Variants in CNTLN observed in about 807,000 individuals in gnomAD.
The protein encoded by CNTLN is centlein, centrosomal protein.
In CNTLN, 212 loss-of-function variants were observed where a neutral mutation model predicts 180.0. That is an observed-to-expected ratio of 1.18 (90% CI 1.05 to 1.32). The LOEUF (loss-of-function observed/expected upper bound fraction) is 1.32. Ranked by LOEUF, CNTLN falls within the 40% of genes most tolerant of loss-of-function variation. The probability of loss-of-function intolerance (pLI) is 0.00; values close to 1 mark genes in which losing one functional copy is unlikely to be tolerated. For missense variants in CNTLN, 2,095 were observed against 1,610.9 expected (o/e 1.30, Z -5.14); for synonymous variants, 722 against 563.1 (o/e 1.28, Z -3.99).
At chr9:17,299,754 T>C (rs1303470896) in intron 7 of CNTLN, 3 of 981,672 alleles carry the variant, frequency 3.1e-6, no homozygotes, top group Non-Finnish European at 3.6e-6. Flanking sequence ...TTAATACTTG[T>C]TAATTGTTAT....
chr9:17,322,516 A>G (rs1181019192), intron 8 of CNTLN, among the ~76,000 whole-genome samples: 1 of 152,210 alleles, frequency 6.6e-6, no homozygotes, highest in East Asian at 1.9e-4. Flanking sequence ...ATTAAAATCT[A>G]GAAATTTAGC....
At chr9:17,488,018 A>C (rs1484564679) in intron 25 of CNTLN, among the ~76,000 whole-genome samples, 4 of 152,160 alleles carry the variant, frequency 2.6e-5, no homozygotes, top group Admixed American at 2.6e-4. Context: ...AAAATACCCC[A>C]AAAATTGTCC....
intron 1 of CNTLN, among the ~76,000 whole-genome samples, chr9:17,142,884 G>T (rs915434305): frequency 2.6e-5 from 4 of 152,138 alleles, no homozygotes; most frequent in African/African-American, 9.7e-5. Flanking sequence ...TAGCATAATG[G>T]TGGTTAGGAA....
At position 17,204,683 on chromosome 9, in the gene CNTLN, C is replaced by T. The variant is rs148768529; in HGVS notation, c.450-21520C>T. On this transcript the variant is annotated intron_variant, in intron 2 of 25. Coordinates refer to ENST00000380647, the MANE Select transcript of CNTLN (RefSeq NM_017738.4). The stretch of plus-strand genomic sequence containing the variant: ...CATTTGAGAAGGCAGTCTTTCCCTT[C>T]TCTGAACTAGTGCACTTTGCTGGGA... 1.4e-3 allele frequency among the ~76,000 whole-genome samples: 216 copies of T among 152,300 alleles called. 3 individuals are homozygous for T. Among genetic ancestry groups the T allele is most frequent in the African/African-American group, 4.8e-3 (201 of 41,570 alleles).
chr9:17,338,530 C>T (rs560523770), intron 10 of CNTLN, among the ~76,000 whole-genome samples: 1 of 151,592 alleles, frequency 6.6e-6, no homozygotes, highest in East Asian at 1.9e-4. Context: ...GCTGAAATCA[C>T]TAATATTGTT....
At chr9:17,363,585 A>G (rs901984195) in intron 12 of CNTLN, among the ~76,000 whole-genome samples, 39 of 151,658 alleles carry the variant, frequency 2.6e-4, no homozygotes, top group African/African-American at 8.7e-4. Flanking sequence ...TTGAAATTAT[A>G]ACATACATCA....
intron 2 of CNTLN, among the ~76,000 whole-genome samples, chr9:17,183,060 C>T (rs1273171058): frequency 6.6e-6 from 1 of 152,116 alleles, no homozygotes; most frequent in Non-Finnish European, 1.5e-5. Flanking sequence ...TCTGTATTTA[C>T]TAATGATTCT....
rs572495502 is a variant in CNTLN at position 17,422,106 on chromosome 9, T to G, written c.3114+5917T>G. ...GTTGGCAAAATTCTCAGCTTTTGTT[T>G]GTGTGGGAAAGTCTTTATTTCATAT... On this transcript the variant is annotated intron_variant, in intron 18 of 25. Transcript: ENST00000380647. 3.3e-5 allele frequency among the ~76,000 whole-genome samples: 5 copies of G among 152,210 alleles called. No homozygotes were observed. The South Asian group carries it at 1.0e-3, about 31-fold the overall frequency.
At chr9:17,249,650 A>G (rs1826022617) in intron 5 of CNTLN, among the ~76,000 whole-genome samples, 1 of 151,780 alleles carries the variant, frequency 6.6e-6, no homozygotes, top group Non-Finnish European at 1.5e-5. Flanking sequence ...CATCCAGCTG[A>G]GTGTGTTTTT....
chr9:17,507,307 C>T (rs1023719359), downstream of CNTLN, among the ~76,000 whole-genome samples: 18 of 152,160 alleles, frequency 1.2e-4, no homozygotes, highest in African/African-American at 4.3e-4. Context: ...TCCACTGTTG[C>T]ACAGGCTATG....
At chr9:17,405,520 G>A (rs939477782) in intron 15 of CNTLN, among the ~76,000 whole-genome samples, 1 of 151,664 alleles carries the variant, frequency 6.6e-6, no homozygotes, top group Non-Finnish European at 1.5e-5. Flanking sequence ...TAACAAGCCT[G>A]TTCTTATAAC....
chr9:17,265,217 C>G (rs1238289632), intron 5 of CNTLN, among the ~76,000 whole-genome samples: 1 of 151,072 alleles, frequency 6.6e-6, no homozygotes, highest in Non-Finnish European at 1.5e-5. Flanking sequence ...TACGTCCCAT[C>G]AATACCTAAT....
intron 2 of CNTLN, among the ~76,000 whole-genome samples, chr9:17,149,805 C>G (rs1376230779): frequency 6.6e-6 from 1 of 152,190 alleles, no homozygotes; most frequent in Non-Finnish European, 1.5e-5. Flanking sequence ...GCATGAGCCA[C>G]TGCACCTGGC....
At chr9:17,446,766 A>G (rs1830449765) in intron 18 of CNTLN, among the ~76,000 whole-genome samples, 1 of 152,176 alleles carries the variant, frequency 6.6e-6, no homozygotes, top group African/African-American at 2.4e-5. Flanking sequence ...CTAGTCCACA[A>G]AGGCCTTTTA....
intron 1 of CNTLN, among the ~76,000 whole-genome samples, chr9:17,139,472 C>G (rs571304250): frequency 6.6e-5 from 10 of 151,924 alleles, no homozygotes; most frequent in African/African-American, 2.2e-4. Context: ...ACCAGCCTGG[C>G]CAACATGGCG....
downstream of CNTLN, among the ~76,000 whole-genome samples, chr9:17,508,335 T>C (rs1833969633): frequency 6.6e-6 from 1 of 152,232 alleles, no homozygotes; most frequent in African/African-American, 2.4e-5. Context: ...ATTCCCTGAA[T>C]GGTAACATCT....
At chr9:17,192,902 A>C (rs1261685182) in intron 2 of CNTLN, among the ~76,000 whole-genome samples, 2 of 152,196 alleles carry the variant, frequency 1.3e-5, no homozygotes, top group African/African-American at 4.8e-5. Flanking sequence ...AAGAAAAAGC[A>C]GTTCAGTTGG....
chr9:17,343,580 T>C (rs754671639), intron 12 of CNTLN, among the ~76,000 whole-genome samples: 2 of 152,198 alleles, frequency 1.3e-5, no homozygotes, highest in African/African-American at 4.8e-5. Flanking sequence ...AAATATTTGA[T>C]GCTATAATGA....
chr9:17,304,975 T>C (rs1449079464), intron 7 of CNTLN, among the ~76,000 whole-genome samples: 2 of 152,188 alleles, frequency 1.3e-5, no homozygotes, highest in African/African-American at 4.8e-5. Context: ...GTAGTATATT[T>C]ACTAGATTTG....
Sources: gnomAD v4.1 joint callset for allele counts (sites outside exome capture counted in the v4.1 genomes callset) on GRCh38, gnomAD v4.1.1 for gene constraint, MANE v1.5 for transcripts, NCBI Gene and HGNC (gene_info 2026-07-23, HGNC 2026-07-21) for gene names.